LINGO2: variants seen among roughly 807,000 people sequenced by gnomAD.
LINGO2 encodes the protein leucine rich repeat and Ig domain containing 2, also known as leucine-rich repeat and immunoglobulin-like domain-containing nogo receptor-interacting protein 2.
In LINGO2, 14 loss-of-function variants were observed where a neutral mutation model predicts 30.6. The observed-to-expected ratio is 0.46, with a 90% CI of 0.30 to 0.72. LINGO2 has a LOEUF of 0.72. Among genes scored for constraint, LINGO2 ranks in the 30% least tolerant of loss-of-function variants. The probability of loss-of-function intolerance (pLI) is 0.07; values close to 1 mark genes in which losing one functional copy is unlikely to be tolerated. For missense variants in LINGO2, 729 were observed against 751.7 expected (o/e 0.97, Z 0.35); for synonymous variants, 317 against 288.5 (o/e 1.10, Z -1.00).
the LINGO2 span, among the ~76,000 whole-genome samples, chr9:29,151,404 T>C: frequency 1.3e-5 from 2 of 152,070 alleles, no homozygotes; most frequent in African/African-American, 4.8e-5. Context: ...ATTATATCAA[T>C]ACTAAAACTG....
chr9:28,119,021 T>C (rs773567395), intron 4 of LINGO2, among the ~76,000 whole-genome samples: 2 of 148,856 alleles, frequency 1.3e-5, no homozygotes, highest in Non-Finnish European at 3.0e-5. Flanking sequence ...TTAAATATAA[T>C]TTTCGTTAAA....
At chr9:28,515,994 T>A (rs1820605323) in intron 1 of LINGO2, among the ~76,000 whole-genome samples, 1 of 152,172 alleles carries the variant, frequency 6.6e-6, no homozygotes, top group Admixed American at 6.5e-5. Flanking sequence ...GCCATCAACA[T>A]CAAGGCAAGA....
At chr9:28,685,473 T>C in the LINGO2 span, among the ~76,000 whole-genome samples, 1 of 152,186 alleles carries the variant, frequency 6.6e-6, no homozygotes, top group Non-Finnish European at 1.5e-5. Flanking sequence ...TTTATAATAA[T>C]AACATTTCGT....
intron 4 of LINGO2, among the ~76,000 whole-genome samples, chr9:28,277,300 A>T (rs1189568216): frequency 6.6e-6 from 1 of 152,120 alleles, no homozygotes; most frequent in East Asian, 1.9e-4. Flanking sequence ...GGTGACACAA[A>T]TCGTACCCAC....
At chr9:29,124,637 A>C in the LINGO2 span, among the ~76,000 whole-genome samples, 1 of 152,214 alleles carries the variant, frequency 6.6e-6, no homozygotes, top group Non-Finnish European at 1.5e-5. Flanking sequence ...GAAGACATTT[A>C]TGTGGCCATC....
chr9:29,182,206 T>C, the LINGO2 span, among the ~76,000 whole-genome samples: 3 of 152,212 alleles, frequency 2.0e-5, no homozygotes, highest in African/African-American at 4.8e-5. Flanking sequence ...TTTAAAATGA[T>C]TCCATTTACA....
chr9:29,127,472 A>C, the LINGO2 span, among the ~76,000 whole-genome samples: 3 of 151,526 alleles, frequency 2.0e-5, no homozygotes, highest in Admixed American at 2.0e-4. Flanking sequence ...TTCTCTTTCC[A>C]ACTTGGGACG....
the LINGO2 span, among the ~76,000 whole-genome samples, chr9:29,121,665 CAGA>C: frequency 1.3e-5 from 2 of 152,048 alleles, no homozygotes; most frequent in Non-Finnish European, 2.9e-5. Context: ...ACTCTCCAGA[CAGA>C]AGGAGTCCAT....
At chr9:28,007,374 T>C (rs2119206067) in intron 5 of LINGO2, among the ~76,000 whole-genome samples, 1 of 152,160 alleles carries the variant, frequency 6.6e-6, no homozygotes, top group African/African-American at 2.4e-5. Flanking sequence ...GCGCTACGCA[T>C]GATGAAAACT....
intron 4 of LINGO2, among the ~76,000 whole-genome samples, chr9:28,098,232 G>A (rs1031024415): frequency 6.6e-5 from 10 of 152,084 alleles, no homozygotes; most frequent in African/African-American, 2.4e-4. Flanking sequence ...TTGAACGCAG[G>A]AGGCTGAGGT....
intron 4 of LINGO2, among the ~76,000 whole-genome samples, chr9:28,121,129 G>GA (rs544554980): frequency 6.6e-6 from 1 of 151,960 alleles, no homozygotes; most frequent in Non-Finnish European, 1.5e-5. Context: ...ATTTGTGGCA[G>GA]AAAAATACCA....
At chr9:28,194,626 A>G (rs765963588) in intron 4 of LINGO2, among the ~76,000 whole-genome samples, 4 of 151,910 alleles carry the variant, frequency 2.6e-5, no homozygotes, top group Non-Finnish European at 5.9e-5. Context: ...AAATGCATAA[A>G]AAAGAAAACT....
At chr9:28,018,165 T>G (rs1353432877) in intron 4 of LINGO2, among the ~76,000 whole-genome samples, 1 of 151,948 alleles carries the variant, frequency 6.6e-6, no homozygotes, top group African/African-American at 2.4e-5. Context: ...ATGCAGAAAA[T>G]TGAAACTGGA....
intron 1 of LINGO2, among the ~76,000 whole-genome samples, chr9:28,588,052 C>T (rs1470208549): frequency 6.6e-6 from 1 of 151,990 alleles, no homozygotes; most frequent in Non-Finnish European, 1.5e-5. Flanking sequence ...CCATACCTGG[C>T]TCTCAGTTCT....
At chr9:28,099,077 G>A (rs1426815649) in intron 4 of LINGO2, among the ~76,000 whole-genome samples, 4 of 152,232 alleles carry the variant, frequency 2.6e-5, no homozygotes, top group South Asian at 2.1e-4. Flanking sequence ...TAGAAAGACT[G>A]TATGTACTAG....
rs200270794 is a variant in LINGO2 at position 27,956,969 on chromosome 9, T to A, written c.-35-6263A>T. ...AAATAGCCAGGCATGGTGGCATGCA[T>A]CTGTATTCCTAGCTACTCAGGAAGC... On this transcript the variant is annotated intron_variant, in intron 5 of 5. Coordinates refer to ENST00000379992, the Ensembl canonical transcript of LINGO2. 2.0e-4 allele frequency among the ~76,000 whole-genome samples: 30 copies of A among 152,100 alleles called. No individual in the cohort carries two copies. In the East Asian group the frequency reaches 5.0e-3, roughly 26 times the overall value.
the LINGO2 span, among the ~76,000 whole-genome samples, chr9:28,920,605 A>G: frequency 3.3e-5 from 5 of 152,140 alleles, no homozygotes; most frequent in African/African-American, 1.2e-4. Context: ...CTACTAAATA[A>G]TGCTTTGGAA....
the LINGO2 span, among the ~76,000 whole-genome samples, chr9:28,981,956 T>G: frequency 6.6e-6 from 1 of 152,126 alleles, no homozygotes; most frequent in African/African-American, 2.4e-5. Context: ...CACACTTTGA[T>G]TCAACTGCCG....
At chr9:28,025,139 G>A (rs1823316509) in intron 4 of LINGO2, among the ~76,000 whole-genome samples, 1 of 152,152 alleles carries the variant, frequency 6.6e-6, no homozygotes, top group South Asian at 2.1e-4. Flanking sequence ...GAGAAACGCA[G>A]GTCACTGCTT....
Sources: allele counts gnomAD v4.1 joint callset (sites outside exome capture counted in the v4.1 genomes callset), GRCh38; gene constraint gnomAD v4.1.1; transcripts MANE v1.5; gene names NCBI Gene and HGNC (gene_info 2026-07-23, HGNC 2026-07-21).